Variants in FOXI3 observed in about 807,000 individuals in gnomAD.
The protein encoded by FOXI3 is forkhead box protein I3.
In FOXI3, 4 loss-of-function variants were observed where a neutral mutation model predicts 15.6. The observed-to-expected ratio is 0.26, with a 90% CI of 0.13 to 0.59. The LOEUF (loss-of-function observed/expected upper bound fraction) is 0.59, where lower values mean the gene tolerates loss of function less well. Among genes scored for constraint, FOXI3 ranks in the 20% least tolerant of loss-of-function variants. The pLI, the probability that FOXI3 is intolerant of heterozygous loss-of-function variation, is 0.90. For synonymous variants in FOXI3, 238 were observed against 244.4 expected, an observed-to-expected ratio of 0.97 and a Z score of 0.25; for missense variants, 489 against 548.2, an observed-to-expected ratio of 0.89 and a Z score of 1.08.
Position 88,448,406 on chromosome 2 carries a change from G to T in FOXI3, c.1064C>A (p.Pro355Gln). The T allele has an allele frequency of 6.4e-7, 1 of 1,551,682 alleles. No homozygotes were observed. Among genetic ancestry groups the T allele is most frequent in the Non-Finnish European group, 8.7e-7 (1 of 1,146,988 alleles). ...AQLPSSGVFSPTSISEASADT... is the reference protein window; with the variant it reads ...AQLPSSGVFSQTSISEASADT... Reference sequence around the variant, plus strand: ...TGCTGAGGCCTCTGAGATGGAGGTCGGGGAGAACACGCCGCTGGAGGGCAG... The same window carrying T: ...TGCTGAGGCCTCTGAGATGGAGGTCTGGGAGAACACGCCGCTGGAGGGCAG... The change falls in exon 2 of 2, where the codon CCG becomes CAG. Residue 355 changes from proline to glutamine, a missense_variant. By Grantham distance (76) the Pro-to-Gln change is moderately conservative (BLOSUM62 -1). Around this residue, in one of 3 missense-constraint regions of FOXI3, gnomAD observed 263 missense variants for 285.5 expected, o/e 0.92. Coordinates refer to ENST00000428390, the MANE Select transcript of FOXI3 (RefSeq NM_001135649.3).
rs1299845957 is a variant in FOXI3 at position 88,448,120 on chromosome 2, T to C, written c.*87A>G. 2.4e-6 allele frequency: 3 copies of C among 1,238,284 alleles called. No individual in the cohort carries two copies. Among genetic ancestry groups the C allele is most frequent in the Non-Finnish European group, 3.3e-6 (3 of 895,532 alleles). 76.7% of individuals were successfully genotyped at this position (1,238,284 alleles called of 1,614,324 possible). A position where few individuals can be genotyped will look rare whatever the true frequency, so the allele number is the denominator to read the frequency against. On this transcript the variant is annotated 3_prime_UTR_variant, in exon 2 of 2. Coordinates refer to ENST00000428390, the MANE Select transcript of FOXI3 (RefSeq NM_001135649.3). ...CGACAGAAACGCAGAACTCAGGTCC[T>C]ACCCCAGACCTACTGACTTGGAATC...
Position 88,448,733 on chromosome 2 carries a change from T to C in FOXI3, c.737A>G (p.Asn246Ser), listed in dbSNP as rs976182686. 11 of 1,551,866 alleles carry C rather than the reference T, an allele frequency of 7.1e-6. No homozygotes were observed. The highest frequency in any genetic ancestry group is 5.5e-5 in the African/African-American group (4 of 73,066). The stretch of plus-strand genomic sequence containing the variant: ...TGTCCCAGCAGCCACTGTGGAGCCA[T>C]TGCTGGCCTCAGAGCGGCGCTTTCG... ...RKRKRRSEAS[N>S]GSTVAAGTSK... Residue 246 changes from asparagine (N) to serine (S), a missense_variant, in exon 2 of 2, where the codon AAT becomes AGT. Physicochemically the swap from Asn to Ser is conservative, Grantham distance 46. This residue lies in a region of FOXI3 where 263 missense variants were observed against 285.5 expected (regional missense o/e 0.92). Transcript: ENST00000428390.
chr2:88,450,857 C>A (rs983497415), intron 1 of FOXI3, among the ~76,000 whole-genome samples: 10 of 152,024 alleles, frequency 6.6e-5, no homozygotes, highest in African/African-American at 2.2e-4. Flanking sequence ...AACAAAGAAT[C>A]TCATTAGTAA....
In FOXI3 at chr2:88,452,255, T is replaced by A; in HGVS notation, c.281A>T (p.Gln94Leu). 9.8e-7 allele frequency: 1 copy of A among 1,024,790 alleles called. No homozygotes were observed. The highest frequency in any genetic ancestry group is 1.2e-6 in the Non-Finnish European group (1 of 858,382). The allele number at this position is 1,024,790 out of a possible 1,614,324, so 63.5% of individuals were successfully genotyped here. A position where few individuals can be genotyped will look rare whatever the true frequency, so the allele number is the denominator to read the frequency against. The change falls in exon 1 of 2, where the codon CAG becomes CTG. Residue 94 changes from glutamine to leucine, a missense_variant. By Grantham distance (113) the Gln-to-Leu change is moderately radical (BLOSUM62 -2). Around this residue, in one of 3 missense-constraint regions of FOXI3, gnomAD observed 224 missense variants for 245.7 expected, o/e 0.91. Transcript: ENST00000428390. ...GAAGGTGCCGGCGGCAGGCGGTGGC[T>A]GCAGAAAGGGCCCGGCCGCGGCCCC... The part of the protein sequence containing the change: ...PPGAAAGPFL[Q>L]PPPAAGTFGC...
Position 88,451,804 on chromosome 2 carries a change from C to T in FOXI3, c.640+92G>A. 3 of 1,528,636 alleles carry T rather than the reference C, an allele frequency of 2.0e-6. No individual in the cohort carries two copies. In the South Asian group the frequency reaches 3.6e-5, roughly 18 times the overall value. The allele number at this position is 1,528,636 out of a possible 1,614,324, so 94.7% of individuals were successfully genotyped here. A position where few individuals can be genotyped will look rare whatever the true frequency, so the allele number is the denominator to read the frequency against. Reference sequence around the variant, plus strand: ...GCAGCCTGGACAAGAAGACTCCTGGCAGATCTTCCAGCCGCACACCGACCC... The same window carrying T: ...GCAGCCTGGACAAGAAGACTCCTGGTAGATCTTCCAGCCGCACACCGACCC... On this transcript the variant is annotated intron_variant, in intron 1 of 1. Coordinates refer to ENST00000428390, the MANE Select transcript of FOXI3 (RefSeq NM_001135649.3).
In FOXI3 at chr2:88,448,342, G is replaced by C. The variant is rs781657540; in HGVS notation, c.1128C>G (p.Thr376=). The C allele has an allele frequency of 6.4e-7, 1 of 1,551,614 alleles. No homozygotes were observed. The highest frequency in any genetic ancestry group is 1.2e-5 in the South Asian group (1 of 84,026). ...LQLSNSTSNS[T]GQRSSYYSPF... is the part of the protein sequence containing the mutation. ...GGCTGTAATAGGAAGATCTCTGGCC[G>C]GTGCTATTGCTGGTGCTATTGCTCA... Residue 376 remains threonine, a synonymous_variant, in exon 2 of 2, where the codon ACC becomes ACG. Coordinates refer to ENST00000428390, the MANE Select transcript of FOXI3 (RefSeq NM_001135649.3).
rs1215714156 is a variant in FOXI3, at chr2:88,452,275, G to A, written c.261C>T (p.Ala87=). The A allele has an allele frequency of 5.1e-6, 5 of 984,810 alleles. No homozygotes were observed. In the African/African-American group the frequency reaches 7.1e-5, roughly 14 times the overall value. The allele number at this position is 984,810 out of a possible 1,614,324, so 61.0% of individuals were successfully genotyped here. A position where few individuals can be genotyped will look rare whatever the true frequency, so the allele number is the denominator to read the frequency against. ...GTGGCTGCAGAAAGGGCCCGGCCGCGGCCCCGGGGGGCGGCGGCGGCGGCG... is the reference window on the plus strand; with the variant it reads ...GTGGCTGCAGAAAGGGCCCGGCCGCAGCCCCGGGGGGCGGCGGCGGCGGCG... ...GAPPPPPPPG[A]AAGPFLQPPP... The change falls in exon 1 of 2, where the codon GCC becomes GCT. Residue 87 remains alanine (A), a synonymous_variant. Coordinates refer to ENST00000428390, the MANE Select transcript of FOXI3 (RefSeq NM_001135649.3).
At position 88,448,573 on chromosome 2, in the gene FOXI3, T is replaced by C. The variant is rs757806451; in HGVS notation, c.897A>G (p.Ser299=). The change falls in exon 2 of 2, where the codon TCA becomes TCG. Residue 299 remains serine, a synonymous_variant. Coordinates refer to ENST00000428390, the MANE Select transcript of FOXI3 (RefSeq NM_001135649.3). ...AGGTGAGCATGGGTCCTCCAGGAGA[T>C]GAGGCAGTACTCTTGGTGCCCTCCG... ...EPPEGTKSTA[S]SPGGPMLTST... The C allele has an allele frequency of 1.9e-6, 3 of 1,551,382 alleles. No individual in the cohort carries two copies. The African/African-American group carries it at 4.1e-5, about 21-fold the overall frequency.
Position 88,448,692 on chromosome 2 carries a change from C to T in FOXI3, c.778G>A (p.Gly260Arg). Residue 260 changes from glycine to arginine, a missense_variant, in exon 2 of 2, where the codon GGG becomes AGG. By Grantham distance (125) the Gly-to-Arg change is moderately radical (BLOSUM62 -2). Around this residue, in one of 3 missense-constraint regions of FOXI3, gnomAD observed 263 missense variants for 285.5 expected, o/e 0.92. Coordinates refer to ENST00000428390, the MANE Select transcript of FOXI3 (RefSeq NM_001135649.3). ...VAAGTSKSEE[G>R]LSSGLGSGVG... Reference sequence around the variant, plus strand: ...CCAGACCCCAATCCTGAGGAGAGCCCTTCTTCGGACTTTGATGTCCCAGCA... The same window carrying T: ...CCAGACCCCAATCCTGAGGAGAGCCTTTCTTCGGACTTTGATGTCCCAGCA... 1 of 1,551,824 alleles carries T rather than the reference C, an allele frequency of 6.4e-7. No individual in the cohort carries two copies. The highest frequency in any genetic ancestry group is 1.4e-5 in the African/African-American group (1 of 73,176).
rs757920823 is a variant in FOXI3 at position 88,452,014 on chromosome 2, G to T, written c.522C>A (p.Phe174Leu). Residue 174 changes from phenylalanine to leucine, a missense_variant, in exon 1 of 2, where the codon TTC becomes TTA. This residue lies in a region of FOXI3 where 224 missense variants were observed against 245.7 expected (regional missense o/e 0.91). Transcript: ENST00000428390. ...GGTAGAAGGGGAAGCTATCGGCGAC[G>T]AACTGGTAGATGTGGCTGAGAGTGA... ...RKLTLSHIYQ[F>L]VADSFPFYQR... 1.9e-6 allele frequency: 3 copies of T among 1,608,058 alleles called. No individual in the cohort carries two copies. Among genetic ancestry groups the T allele is most frequent in the Non-Finnish European group, 2.5e-6 (3 of 1,177,290 alleles).
In FOXI3 at chr2:88,448,640, C is replaced by A. The variant is rs1355615564; in HGVS notation, c.830G>T (p.Ser277Ile). 1.3e-6 allele frequency: 2 copies of A among 1,551,714 alleles called. No homozygotes were observed. The highest frequency in any genetic ancestry group is 1.7e-6 in the Non-Finnish European group (2 of 1,146,994). The change falls in exon 2 of 2, where the codon AGC becomes ATC. Residue 277 changes from serine (S) to isoleucine (I), a missense_variant. Physicochemically the swap from Ser to Ile is moderately radical, Grantham distance 142. This residue lies in a region of FOXI3 where 263 missense variants were observed against 285.5 expected (regional missense o/e 0.92). Transcript: ENST00000428390. ...GGAAGGCCTCAGCAGAGTGGAGGGG[C>A]TCTCTTCTTCTGGCTTCCCACCCAC... Reference protein sequence around the residue: ...SGVGGKPEEESPSTLLRPSHS... With the variant: ...SGVGGKPEEEIPSTLLRPSHS...
rs1675985685 is a variant in FOXI3 at position 88,448,492 on chromosome 2, G to A, written c.978C>T (p.Ser326=). 6.4e-7 allele frequency: 1 copy of A among 1,551,606 alleles called. No individual in the cohort carries two copies. Among genetic ancestry groups the A allele is most frequent in the Admixed American group, 2.0e-5 (1 of 50,980 alleles). ...GGAGAGCCCGCTGGGTACTCACACT[G>A]CTGCTGACACTCAAGGAGCTGAGGC... ...FSSLSSLSVS[S]SVSTQRALPG... is the part of the protein sequence containing the mutation. The change falls in exon 2 of 2, where the codon AGC becomes AGT. Residue 326 remains serine, a synonymous_variant. Coordinates refer to ENST00000428390, the MANE Select transcript of FOXI3 (RefSeq NM_001135649.3).
chr2:88,449,635 T>C (rs1288245889), intron 1 of FOXI3, among the ~76,000 whole-genome samples: 1 of 152,222 alleles, frequency 6.6e-6, no homozygotes, highest in East Asian at 1.9e-4. Flanking sequence ...TTTCTGCATG[T>C]AATGCTAGTT....
In FOXI3 at chr2:88,447,892, C is replaced by T; in HGVS notation, c.*315G>A. ...CACTTGAGCTTGCAATCCTGGCATACAGTGATAAACAAAATAGACATGGTC... is the reference window on the plus strand; with the variant it reads ...CACTTGAGCTTGCAATCCTGGCATATAGTGATAAACAAAATAGACATGGTC... On this transcript the variant is annotated 3_prime_UTR_variant, in exon 2 of 2. Transcript: ENST00000428390. The T allele has an allele frequency of 2.6e-6, 1 of 378,296 alleles. No homozygotes were observed. Among genetic ancestry groups the T allele is most frequent in the East Asian group, 5.0e-5 (1 of 19,848 alleles). 23.4% of individuals were successfully genotyped at this position (378,296 alleles called of 1,614,324 possible). A position where few individuals can be genotyped will look rare whatever the true frequency, so the allele number is the denominator to read the frequency against.
Position 88,448,476 on chromosome 2 carries a change from G to T in FOXI3, c.994C>A (p.Arg332=). 6.4e-7 allele frequency: 1 copy of T among 1,551,684 alleles called. No individual in the cohort carries two copies. Among genetic ancestry groups the T allele is most frequent in the Non-Finnish European group, 8.7e-7 (1 of 1,146,992 alleles). The change falls in exon 2 of 2, where the codon CGG becomes AGG. Residue 332 remains arginine, a synonymous_variant. Coordinates refer to ENST00000428390, the MANE Select transcript of FOXI3 (RefSeq NM_001135649.3). ...LSVSSSVSTQ[R]ALPGSRHLGI... Reference sequence around the variant, plus strand: ...AGGTGGCGGCTGCCAGGGAGAGCCCGCTGGGTACTCACACTGCTGCTGACA... The same window carrying T: ...AGGTGGCGGCTGCCAGGGAGAGCCCTCTGGGTACTCACACTGCTGCTGACA...
At chr2:88,450,191 G>A (rs1318152089) in intron 1 of FOXI3, among the ~76,000 whole-genome samples, 1 of 152,108 alleles carries the variant, frequency 6.6e-6, no homozygotes, top group Non-Finnish European at 1.5e-5. Flanking sequence ...AGCACTTTGG[G>A]AGGCCGAAAC....
chr2:88,448,183 C>T lies in FOXI3; in HGVS notation c.*24G>A. ...AGCATGTGTGCACGCCTCAGGTGTG[C>T]ATACTCAAGTCTGAGAGTCTGCTCT... On this transcript the variant is annotated 3_prime_UTR_variant, in exon 2 of 2. Coordinates refer to ENST00000428390, the MANE Select transcript of FOXI3 (RefSeq NM_001135649.3). 2 of 1,544,642 alleles carry T rather than the reference C, an allele frequency of 1.3e-6. No homozygotes were observed. The highest frequency in any genetic ancestry group is 1.8e-6 in the Non-Finnish European group (2 of 1,142,430).
Position 88,452,469 on chromosome 2 carries a change from T to G in FOXI3, c.67A>C (p.Thr23Pro). Residue 23 changes from threonine to proline, a missense_variant, in exon 1 of 2, where the codon ACC becomes CCC. This residue lies in a region of FOXI3 where 224 missense variants were observed against 245.7 expected (regional missense o/e 0.91). Transcript: ENST00000428390. ...GGGGGGGCGCCCGGGGCGGCGGCGG[T>G]GGCGGCGGGCGGGGGCAGGCCGGGC... ...SQPGLPPPAA[T>P]AAAPGAPPAA... is the part of the protein sequence containing the mutation. The G allele has an allele frequency of 2.8e-6, 3 of 1,060,684 alleles. No homozygotes were observed. Among genetic ancestry groups the G allele is most frequent in the Non-Finnish European group, 3.4e-6 (3 of 881,964 alleles). The allele number at this position is 1,060,684 out of a possible 1,614,324, so 65.7% of individuals were successfully genotyped here.
At position 88,448,644 on chromosome 2, in the gene FOXI3, C is replaced by T; in HGVS notation, c.826G>A (p.Glu276Lys). The T allele has an allele frequency of 6.4e-7, 1 of 1,551,782 alleles. No individual in the cohort carries two copies. The highest frequency in any genetic ancestry group is 8.7e-7 in the Non-Finnish European group (1 of 1,147,012). Residue 276 changes from glutamate (E) to lysine (K), a missense_variant, in exon 2 of 2, where the codon GAG becomes AAG. This residue lies in a region of FOXI3 where 263 missense variants were observed against 285.5 expected (regional missense o/e 0.92). Coordinates refer to ENST00000428390, the MANE Select transcript of FOXI3 (RefSeq NM_001135649.3). ...GGCCTCAGCAGAGTGGAGGGGCTCT[C>T]TTCTTCTGGCTTCCCACCCACTCCA... ...GSGVGGKPEE[E>K]SPSTLLRPSH...
Sources: allele counts gnomAD v4.1 joint callset (sites outside exome capture counted in the v4.1 genomes callset), GRCh38; gene constraint gnomAD v4.1.1; regional missense constraint gnomAD v4.1.1; transcripts MANE v1.5; gene names NCBI Gene and HGNC (gene_info 2026-07-23, HGNC 2026-07-21).